DNAH6: variants seen among roughly 807,000 people sequenced by gnomAD.
DNAH6 encodes the protein dynein axonemal heavy chain 6, also known as axonemal beta dynein heavy chain 6.
In DNAH6, 340 loss-of-function variants were observed where a neutral mutation model predicts 491.4. The observed-to-expected ratio is 0.69, with a 90% confidence interval of 0.63 to 0.76. The LOEUF (loss-of-function observed/expected upper bound fraction) is 0.76, where lower values mean the gene tolerates loss of function less well. Ranked by LOEUF, DNAH6 falls within the 30% of genes least tolerant of loss-of-function variation. DNAH6 has a pLI of 0.00. For missense variants in DNAH6, 4,443 were observed against 4,972.2 expected (o/e 0.89, Z 3.20); for synonymous variants, 1,603 against 1,686.1 (o/e 0.95, Z 1.21).
At chr2:84,798,435 A>G (rs568143946) in intron 70 of DNAH6, among the ~76,000 whole-genome samples, 4 of 152,304 alleles carry the variant, frequency 2.6e-5, no homozygotes, top group African/African-American at 9.6e-5. Context: ...CCAAAGAATA[A>G]GCAGAGGCAC....
At chr2:84,717,865 A>G (rs866870883) in intron 58 of DNAH6, among the ~76,000 whole-genome samples, 2 of 152,242 alleles carry the variant, frequency 1.3e-5, no homozygotes, top group Non-Finnish European at 2.9e-5. Context: ...CACCATTTTC[A>G]TCTTGGCACA....
At chr2:84,775,064 A>T (rs1267165906) in intron 64 of DNAH6, among the ~76,000 whole-genome samples, 1 of 152,102 alleles carries the variant, frequency 6.6e-6, no homozygotes, top group East Asian at 1.9e-4. Flanking sequence ...TGATGAGAGT[A>T]GGAATCCTTG....
intron 62 of DNAH6, among the ~76,000 whole-genome samples, chr2:84,741,552 C>G (rs903379024): frequency 6.6e-5 from 10 of 152,152 alleles, no homozygotes; most frequent in Admixed American, 6.5e-4. Flanking sequence ...GGGTGGGGCA[C>G]CATTCAGGCA....
chr2:84,500,917 G>C, the DNAH6 span, among the ~76,000 whole-genome samples: 1 of 152,070 alleles, frequency 6.6e-6, no homozygotes, highest in African/African-American at 2.4e-5. Flanking sequence ...AGTACTAATA[G>C]TTTTTTTGTG....
Position 84,604,261 on chromosome 2 carries a change from C to A in DNAH6, c.2869-78C>A, listed in dbSNP as rs1685539832. On this transcript the variant is annotated intron_variant, in intron 18 of 76. Transcript: ENST00000389394. ...GTGCTCTTTTCCAGCTCTCTACATG[C>A]ACAAATTGAAACCAGAACCTGTGGG... The A allele has an allele frequency of 8.6e-6, 10 of 1,161,374 alleles. No individual in the cohort carries two copies. In the South Asian group the frequency reaches 1.4e-4, roughly 16 times the overall value. The allele number at this position is 1,161,374 out of a possible 1,614,324, so 71.9% of individuals were successfully genotyped here.
chr2:84,793,071 C>A (rs1677930995), intron 68 of DNAH6, among the ~76,000 whole-genome samples: 1 of 152,122 alleles, frequency 6.6e-6, no homozygotes, highest in South Asian at 2.1e-4. Context: ...CCAAGCCAGC[C>A]CACAGGGATG....
In DNAH6 at chr2:84,557,955, A is replaced by G. The variant is rs762940727; in HGVS notation, c.1803+20A>G. 1.3e-6 allele frequency: 2 copies of G among 1,493,708 alleles called. No individual in the cohort carries two copies. Among genetic ancestry groups the G allele is most frequent in the Non-Finnish European group, 1.8e-6 (2 of 1,081,590 alleles). The allele number at this position is 1,493,708 out of a possible 1,614,324, so 92.5% of individuals were successfully genotyped here. A position where few individuals can be genotyped will look rare whatever the true frequency, so the allele number is the denominator to read the frequency against. Reference sequence around the variant, plus strand: ...ATAAAGGTATGTTTACTCTGACTAAAACTATTCTATAATATTCTCAATTTT... The same window carrying G: ...ATAAAGGTATGTTTACTCTGACTAAGACTATTCTATAATATTCTCAATTTT... On this transcript the variant is annotated intron_variant, in intron 11 of 76. Coordinates refer to ENST00000389394, the MANE Select transcript of DNAH6 (RefSeq NM_001370.2).
chr2:84,815,978 C>T lies in DNAH6; in HGVS notation c.12268C>T (p.Pro4090Ser). 1 of 1,551,872 alleles carries T rather than the reference C, an allele frequency of 6.4e-7. No individual in the cohort carries two copies. The highest frequency in any genetic ancestry group is 8.7e-7 in the Non-Finnish European group (1 of 1,147,034). The change falls in exon 76 of 77, where the codon CCT becomes TCT. Residue 4090 changes from proline (P) to serine (S), a missense_variant. Pro to Ser is a moderately conservative substitution (Grantham distance 74, BLOSUM62 -1). This residue lies in a region of DNAH6 where 1,463 missense variants were observed against 1,656.6 expected (regional missense o/e 0.88). Transcript: ENST00000389394. ...ALPGQMNPVL[P>S]VVHFEPQQNY... is the part of the protein sequence containing the mutation. ...GCCCGGACAGATGAATCCAGTGCTG[C>T]CTGTGGTGCATTTTGAACCACAACA... is the stretch of plus-strand genomic sequence containing the variant.
rs1191010812 is a variant in DNAH6, at chr2:84,704,139, G to T, written c.8302G>T (p.Asp2768Tyr). The T allele has an allele frequency of 6.4e-7, 1 of 1,551,906 alleles. No individual in the cohort carries two copies. The highest frequency in any genetic ancestry group is 1.2e-5 in the South Asian group (1 of 84,060). The change falls in exon 51 of 77, where the codon GAT (aspartate) becomes TAT (tyrosine). Residue 2768 changes from aspartate (D) to tyrosine (Y), a missense_variant. Physicochemically the swap from Asp to Tyr is radical, Grantham distance 160. Around this residue, in one of 3 missense-constraint regions of DNAH6, gnomAD observed 3 missense variants for 19.0 expected, o/e 0.16. Coordinates refer to ENST00000389394, the MANE Select transcript of DNAH6 (RefSeq NM_001370.2). ...TGAAGAAACCCAAGCAATAGCTGATGATGCTCAAAGAGATCTTGACGAGGC... is the reference window on the plus strand; with the variant it reads ...TGAAGAAACCCAAGCAATAGCTGATTATGCTCAAAGAGATCTTGACGAGGC... ...KAEETQAIAD[D>Y]AQRDLDEALP...
At chr2:84,533,404 G>A (rs1338010708) in intron 4 of DNAH6, among the ~76,000 whole-genome samples, 2 of 152,046 alleles carry the variant, frequency 1.3e-5, no homozygotes, top group Admixed American at 1.3e-4. Context: ...GATTTTAGGG[G>A]GCTTGCTCAA....
At chr2:84,634,688 G>A in intron 30 of DNAH6, 47 bp downstream of exon 30, 1 of 1,443,782 alleles carries the variant, frequency 6.9e-7, no homozygotes, top group Non-Finnish European at 9.1e-7. Context: ...CCTTAAATTT[G>A]TCATTAACTC....
At position 84,704,147 on chromosome 2, in the gene DNAH6, A is replaced by G. The variant is rs1244080407; in HGVS notation, c.8310A>G (p.Gln2770=). Residue 2770 remains glutamine, a synonymous_variant, in exon 51 of 77, where the codon CAA becomes CAG. Coordinates refer to ENST00000389394, the MANE Select transcript of DNAH6 (RefSeq NM_001370.2). Reference sequence around the variant, plus strand: ...CCCAAGCAATAGCTGATGATGCTCAAAGAGATCTTGACGAGGCACTACCTG... The same window carrying G: ...CCCAAGCAATAGCTGATGATGCTCAGAGAGATCTTGACGAGGCACTACCTG... ...EETQAIADDA[Q]RDLDEALPAL... is the part of the protein sequence containing the mutation. 3.2e-6 allele frequency: 5 copies of G among 1,551,828 alleles called. No homozygotes were observed. The highest frequency in any genetic ancestry group is 2.0e-5 in the Admixed American group (1 of 50,990).
intron 70 of DNAH6, among the ~76,000 whole-genome samples, chr2:84,801,676 G>A (rs1678930957): frequency 6.6e-6 from 1 of 152,038 alleles, no homozygotes; most frequent in African/African-American, 2.4e-5. Flanking sequence ...CTCAGCTCAG[G>A]AGTTCCAGAC....
intron 44 of DNAH6, among the ~76,000 whole-genome samples, chr2:84,687,851 G>C (rs1281590545): frequency 6.6e-6 from 1 of 152,158 alleles, no homozygotes; most frequent in Non-Finnish European, 1.5e-5. Flanking sequence ...ACTACAAATA[G>C]TTCTGGCATG....
rs551547866 is a variant in DNAH6 at position 84,651,002 on chromosome 2, T to C, written c.5079-2317T>C. ...GGATAGAATTCAAGCTTTATTGATATCTGGTGGGAGCAGTCATTTCTGCTG... is the reference window on the plus strand; with the variant it reads ...GGATAGAATTCAAGCTTTATTGATACCTGGTGGGAGCAGTCATTTCTGCTG... On this transcript the variant is annotated intron_variant, in intron 33 of 76. Coordinates refer to ENST00000389394, the MANE Select transcript of DNAH6 (RefSeq NM_001370.2). 2.6e-4 allele frequency among the ~76,000 whole-genome samples: 40 copies of C among 152,296 alleles called. 2 individuals carry two copies. Among genetic ancestry groups the C allele is most frequent in the South Asian group, 8.3e-4 (4 of 4,828 alleles).
chr2:84,496,662 A>AT, the DNAH6 span, among the ~76,000 whole-genome samples: 28 of 152,332 alleles, frequency 1.8e-4, 1 homozygote, highest in African/African-American at 6.3e-4. Context: ...CCCACCTGTG[A>AT]TTTTGAGGTC....
In DNAH6 at chr2:84,811,975, C is replaced by G. The variant is rs139401035; in HGVS notation, c.11740-366C>G. ...TGGTTCTCACTCCCCATCTCCCCCT[C>G]CTCCTCACACTCTGTGCTTCCCAAA... On this transcript the variant is annotated intron_variant, in intron 72 of 76. Coordinates refer to ENST00000389394, the MANE Select transcript of DNAH6 (RefSeq NM_001370.2). 2.0e-5 allele frequency among the ~76,000 whole-genome samples: 3 copies of G among 152,300 alleles called. No individual in the cohort carries two copies. In the South Asian group the frequency reaches 6.2e-4, roughly 32 times the overall value.
At chr2:84,656,962 TA>T (rs1382717910) in intron 35 of DNAH6, among the ~76,000 whole-genome samples, 1 of 152,064 alleles carries the variant, frequency 6.6e-6, no homozygotes, top group Non-Finnish European at 1.5e-5. Context: ...AAAAACTGTA[TA>T]TTTTTTGCTT....
At position 84,547,317 on chromosome 2, in the gene DNAH6, G is replaced by A; in HGVS notation, c.980G>A (p.Ser327Asn). 1 of 1,550,908 alleles carries A rather than the reference G, an allele frequency of 6.4e-7. No individual in the cohort carries two copies. Among genetic ancestry groups the A allele is most frequent in the African/African-American group, 1.4e-5 (1 of 73,120 alleles). ...ATAAATGAATTGTGTTATCATTTGA[G>A]TTTTATGGGACTTTGTTATATTGAA... is the stretch of plus-strand genomic sequence containing the variant. ...LKINELCYHL[S>N]FMGLCYIEKC... is the part of the protein sequence containing the mutation. Residue 327 changes from serine (S) to asparagine (N), a missense_variant, in exon 6 of 77, where the codon AGT becomes AAT. This residue lies in a region of DNAH6 where 2,977 missense variants were observed against 3,296.6 expected (regional missense o/e 0.90). Coordinates refer to ENST00000389394, the MANE Select transcript of DNAH6 (RefSeq NM_001370.2).
Sources: allele counts gnomAD v4.1 joint callset (sites outside exome capture counted in the v4.1 genomes callset), GRCh38; gene constraint gnomAD v4.1.1; regional missense constraint gnomAD v4.1.1; transcripts MANE v1.5; gene names NCBI Gene and HGNC (gene_info 2026-07-23, HGNC 2026-07-21).